The following SKAP2 variants were observed in gnomAD, a reference collection of about 807,000 sequenced individuals.
SKAP2 encodes src kinase associated phosphoprotein 2, also known as src kinase-associated phosphoprotein 2.
A neutral mutation model predicts 54.9 loss-of-function variants in SKAP2; 28 were observed. The observed-to-expected ratio is 0.51, with a 90% CI of 0.38 to 0.70. The LOEUF is 0.70. Ranked by LOEUF, SKAP2 falls within the 30% of genes least tolerant of loss-of-function variation. The pLI is 0.00. For missense variants in SKAP2, 356 were observed against 424.1 expected (o/e 0.84, Z 1.41); for synonymous variants, 137 against 134.3 (o/e 1.02, Z -0.14).
At chr7:26,773,048 A>G (rs184346037) in intron 4 of SKAP2, among the ~76,000 whole-genome samples, 1 of 152,342 alleles carries the variant, frequency 6.6e-6, no homozygotes, top group Admixed American at 6.5e-5. Flanking sequence ...CATAAGATGA[A>G]GATGATATTT....
At chr7:26,697,920 A>G (rs1786930934) in intron 9 of SKAP2, among the ~76,000 whole-genome samples, 1 of 152,216 alleles carries the variant, frequency 6.6e-6, no homozygotes, top group Non-Finnish European at 1.5e-5. Context: ...ATTTCATTGT[A>G]AACTGTTTTG....
intron 4 of SKAP2, among the ~76,000 whole-genome samples, chr7:26,829,032 AAAAT>A (rs1212170043): frequency 6.6e-6 from 1 of 152,204 alleles, no homozygotes; most frequent in Non-Finnish European, 1.5e-5. Context: ...CTGTCTCAAA[AAAAT>A]AAATAAATAA....
rs150809251 is a variant in SKAP2, at chr7:26,768,336, T to C, written c.308-28372A>G. ...GATAAATATTCCTCCATCCCTTTAT[T>C]TTGACTCTATTTGTGTCTTTACATG... On this transcript the variant is annotated intron_variant, in intron 4 of 12. Transcript: ENST00000345317. Among the ~76,000 whole-genome samples the C allele has an allele frequency of 1.2e-4, 18 of 152,232 alleles. No homozygotes were observed. In the East Asian group the frequency reaches 3.3e-3, roughly 28 times the overall value.
intron 4 of SKAP2, among the ~76,000 whole-genome samples, chr7:26,826,921 A>G (rs1784503570): frequency 6.6e-6 from 1 of 152,154 alleles, no homozygotes; most frequent in African/African-American, 2.4e-5. Flanking sequence ...TTAAAAATCA[A>G]TTACATCTTA....
At chr7:26,658,290 T>A in the SKAP2 span, among the ~76,000 whole-genome samples, 1 of 152,234 alleles carries the variant, frequency 6.6e-6, no homozygotes, top group South Asian at 2.1e-4. Context: ...TCTTTTTCAA[T>A]CAAAAACACA....
rs964001294 is a variant in SKAP2 at position 26,808,574 on chromosome 7, T to C, written c.307+35456A>G. 3.9e-5 allele frequency among the ~76,000 whole-genome samples: 6 copies of C among 152,314 alleles called. No homozygotes were observed. In the South Asian group the frequency reaches 1.0e-3, roughly 26 times the overall value. ...TGGTTACTCAACATTGTGAATATAC[T>C]TAATGCCACTGAAATGTATACTTAA... On this transcript the variant is annotated intron_variant, in intron 4 of 12. Transcript: ENST00000345317.
Position 26,841,527 on chromosome 7 carries a change from T to C in SKAP2, c.307+2503A>G, listed in dbSNP as rs562617606. On this transcript the variant is annotated intron_variant, in intron 4 of 12. Coordinates refer to ENST00000345317, the MANE Select transcript of SKAP2 (RefSeq NM_003930.5). ...AAGTCGAAGCATCACTGAAGTGTGCTTGAATTTCATTAGAAGATATAACTT... is the reference window on the plus strand; with the variant it reads ...AAGTCGAAGCATCACTGAAGTGTGCCTGAATTTCATTAGAAGATATAACTT... 2.6e-5 allele frequency among the ~76,000 whole-genome samples: 4 copies of C among 152,194 alleles called. No homozygotes were observed. The East Asian group carries it at 7.7e-4, about 29-fold the overall frequency.
intron 11 of SKAP2, among the ~76,000 whole-genome samples, chr7:26,670,629 C>G (rs1477310814): frequency 6.6e-6 from 1 of 152,016 alleles, no homozygotes; most frequent in Non-Finnish European, 1.5e-5. Flanking sequence ...CAATAAACTA[C>G]TTATTTCTTA....
intron 9 of SKAP2, among the ~76,000 whole-genome samples, chr7:26,704,745 T>C: frequency 6.6e-6 from 1 of 152,206 alleles, no homozygotes; most frequent in South Asian, 2.1e-4. Context: ...GTTAGGCATG[T>C]AAAACTCATC....
rs535178029 is a variant in SKAP2, at chr7:26,720,596, G to A, written c.796+4832C>T. 9.9e-5 allele frequency among the ~76,000 whole-genome samples: 15 copies of A among 152,158 alleles called. No individual in the cohort carries two copies. The South Asian group carries it at 2.5e-3, about 25-fold the overall frequency. ...GCTAATAAAGACATACCCAAGACTGGCAAATTTATAAAGGAAAGAGGTTTA... is the reference window on the plus strand; with the variant it reads ...GCTAATAAAGACATACCCAAGACTGACAAATTTATAAAGGAAAGAGGTTTA... On this transcript the variant is annotated intron_variant, in intron 9 of 12. Transcript: ENST00000345317.
chr7:26,845,583 T>A (rs575031538), intron 3 of SKAP2, among the ~76,000 whole-genome samples: 84 of 152,300 alleles, frequency 5.5e-4, no homozygotes, highest in African/African-American at 2.0e-3. Context: ...TTTTCAGATG[T>A]TCAAAGTCCT....
chr7:26,813,981 A>G (rs1784212166), intron 4 of SKAP2, among the ~76,000 whole-genome samples: 1 of 152,308 alleles, frequency 6.6e-6, no homozygotes, highest in African/African-American at 2.4e-5. Flanking sequence ...ATTAGGAGCA[A>G]ATTCTCATGA....
chr7:26,712,057 T>C (rs1323948086), intron 9 of SKAP2, among the ~76,000 whole-genome samples: 2 of 152,156 alleles, frequency 1.3e-5, no homozygotes, highest in African/African-American at 2.4e-5. Flanking sequence ...TAACAATTGA[T>C]ACCGTTAGTA....
At chr7:26,657,270 C>A in the SKAP2 span, among the ~76,000 whole-genome samples, 1 of 152,210 alleles carries the variant, frequency 6.6e-6, no homozygotes, top group Admixed American at 6.5e-5. Context: ...GAATCTTCCA[C>A]AGCCTTCGCA....
At chr7:26,720,090 ACAC>A (rs3222494) in intron 9 of SKAP2, among the ~76,000 whole-genome samples, 4 of 151,028 alleles carry the variant, frequency 2.6e-5, no homozygotes, top group Non-Finnish European at 5.9e-5. Flanking sequence ...ACACACACAC[ACAC>A]ATCCCAGTTA....
chr7:26,839,285 TTC>T (rs1479239722), intron 4 of SKAP2, among the ~76,000 whole-genome samples: 4 of 152,220 alleles, frequency 2.6e-5, no homozygotes, highest in South Asian at 2.1e-4. Flanking sequence ...GTCCTCTACT[TTC>T]TGTCATTTCC....
chr7:26,779,728 GA>G (rs562389508), intron 4 of SKAP2, among the ~76,000 whole-genome samples: 36 of 151,986 alleles, frequency 2.4e-4, no homozygotes, highest in Non-Finnish European at 3.4e-4. Flanking sequence ...AATGTAGAGG[GA>G]AAAATTATTG....
At chr7:26,656,640 G>A in the SKAP2 span, among the ~76,000 whole-genome samples, 1 of 152,084 alleles carries the variant, frequency 6.6e-6, no homozygotes, top group African/African-American at 2.4e-5. Context: ...AGCTTATTCT[G>A]GAATCAAGAC....
intron 3 of SKAP2, among the ~76,000 whole-genome samples, chr7:26,852,463 C>G (rs1367408273): frequency 1.3e-5 from 2 of 152,136 alleles, no homozygotes; most frequent in Non-Finnish European, 2.9e-5. Context: ...TGAACAGGCA[C>G]TCTTTGTGAT....
Sources: allele counts gnomAD v4.1 joint callset (sites outside exome capture counted in the v4.1 genomes callset), GRCh38; gene constraint gnomAD v4.1.1; transcripts MANE v1.5; gene names NCBI Gene and HGNC (gene_info 2026-07-23, HGNC 2026-07-21).